The following RIPOR3 variants were observed in gnomAD, a reference collection of about 807,000 sequenced individuals.
RIPOR3 encodes family with sequence similarity 65 member C.
In RIPOR3, 95 loss-of-function variants were observed where a neutral mutation model predicts 114.3. The observed-to-expected ratio is 0.83, with a 90% CI of 0.70 to 0.99. The LOEUF (loss-of-function observed/expected upper bound fraction) is 0.99, where lower values mean the gene tolerates loss of function less well. Among genes scored for constraint, RIPOR3 ranks in the 50% least tolerant of loss-of-function variants. The pLI is 0.00. For synonymous variants in RIPOR3, 575 were observed against 543.8 expected (o/e 1.06, Z -0.80); for missense variants, 1,252 against 1,266.9 (o/e 0.99, Z 0.18).
chr20:50,610,925 A>T lies in RIPOR3; in HGVS notation c.373-19T>A. 1 of 1,614,102 alleles carries T rather than the reference A, an allele frequency of 6.2e-7. No individual in the cohort carries two copies. Among genetic ancestry groups the T allele is most frequent in the South Asian group, 1.1e-5 (1 of 91,080 alleles). On this transcript the variant is annotated intron_variant, in intron 5 of 21. Transcript: ENST00000327979. ...GCGTTTGCTTCTCCCGGAAAAAGGG[A>T]AGATGTTTGCAAAGTTGCCTGGGCC...
intron 1 of RIPOR3, among the ~76,000 whole-genome samples, chr20:50,656,030 C>T (rs533307684): frequency 3.6e-4 from 54 of 150,894 alleles, no homozygotes; most frequent in Middle Eastern, 3.4e-3. Flanking sequence ...TTTTTTGAGA[C>T]GGAGTCTCAC....
At chr20:50,647,992 G>C (rs1164570377) in intron 1 of RIPOR3, among the ~76,000 whole-genome samples, 1 of 151,946 alleles carries the variant, frequency 6.6e-6, no homozygotes, top group Non-Finnish European at 1.5e-5. Context: ...ATCCAGGGTA[G>C]TGGCCAGGCG....
chr20:50,682,114 C>T (rs1237127145), intron 1 of RIPOR3, among the ~76,000 whole-genome samples: 1 of 152,096 alleles, frequency 6.6e-6, no homozygotes, highest in Non-Finnish European at 1.5e-5. Flanking sequence ...TGTATGTGTG[C>T]AATAGGACAG....
chr20:50,595,099 C>T, intron 16 of RIPOR3: 3 of 537,606 alleles, frequency 5.6e-6, no homozygotes, highest in Non-Finnish European at 1.0e-5. Flanking sequence ...CAGTGCCCTC[C>T]TCCTATGCAG....
intron 1 of RIPOR3, among the ~76,000 whole-genome samples, chr20:50,660,749 CTTTTTTTTT>C (rs58201824): frequency 1.2e-5 from 1 of 83,280 alleles, no homozygotes; most frequent in African/African-American, 4.3e-5. Context: ...TGGGATTTAC[CTTTTTTTTT>C]TTTTTTTTTT....
intron 1 of RIPOR3, among the ~76,000 whole-genome samples, chr20:50,657,790 G>A (rs1410444078): frequency 8.1e-6 from 1 of 124,044 alleles, no homozygotes; most frequent in Non-Finnish European, 1.6e-5. Context: ...GGTCTTGCCT[G>A]TTGCCCAGGC....
chr20:50,685,572 C>T (rs1179180029), intron 1 of RIPOR3, among the ~76,000 whole-genome samples: 1 of 151,240 alleles, frequency 6.6e-6, no homozygotes, highest in Non-Finnish European at 1.5e-5. Flanking sequence ...ACCTGTAATC[C>T]CAGCATTTTG....
At chr20:50,621,368 C>A (rs1005152266) in intron 2 of RIPOR3, among the ~76,000 whole-genome samples, 12 of 151,758 alleles carry the variant, frequency 7.9e-5, no homozygotes, top group African/African-American at 2.9e-4. Flanking sequence ...TGGGGCACCT[C>A]CCCAGCTCTG....
In RIPOR3 at chr20:50,659,647, C is replaced by CAAAA. The variant is rs558386174; in HGVS notation, c.4-28795_4-28792dup. Reference sequence around the variant, plus strand: ...AGGTGACAAGAGCGAAACTCCGTCTCAAAAAAAAAAAAAAAAAAAAATTCT... The same window carrying CAAAA: ...AGGTGACAAGAGCGAAACTCCGTCTCAAAAAAAAAAAAAAAAAAAAAAAAATTCT... On this transcript the variant is annotated intron_variant, in intron 1 of 21. Transcript: ENST00000327979. Among the ~76,000 whole-genome samples, 35 of 78,138 alleles carry CAAAA rather than the reference C, an allele frequency of 4.5e-4. 1 individual carries two copies. Among genetic ancestry groups the CAAAA allele is most frequent in the African/African-American group, 1.4e-3 (31 of 22,350 alleles). The allele number at this position is 78,138 out of a possible 152,430, so 51.3% of individuals were successfully genotyped here.
At chr20:50,641,753 C>T (rs2085205114) in intron 1 of RIPOR3, among the ~76,000 whole-genome samples, 1 of 152,248 alleles carries the variant, frequency 6.6e-6, no homozygotes, top group African/African-American at 2.4e-5. Context: ...ACCACTGAAA[C>T]TGAGGGTTTT....
At chr20:50,591,101 G>A (rs1408251024) in intron 19 of RIPOR3, among the ~76,000 whole-genome samples, 2 of 152,090 alleles carry the variant, frequency 1.3e-5, no homozygotes, top group Non-Finnish European at 2.9e-5. Flanking sequence ...TTAATTGCAA[G>A]CAGAGAAAGA....
intron 1 of RIPOR3, among the ~76,000 whole-genome samples, chr20:50,653,713 C>T (rs2085703542): frequency 6.6e-6 from 1 of 151,998 alleles, no homozygotes; most frequent in Non-Finnish European, 1.5e-5. Flanking sequence ...ACCTCAGCCT[C>T]CCAAGTAGGT....
intron 1 of RIPOR3, among the ~76,000 whole-genome samples, chr20:50,657,836 C>T (rs2123440567): frequency 6.6e-6 from 1 of 151,182 alleles, no homozygotes; most frequent in East Asian, 1.9e-4. Flanking sequence ...TCACTACAGC[C>T]TTGAACTCCT....
At chr20:50,594,036 C>G (rs535978009) in intron 17 of RIPOR3, among the ~76,000 whole-genome samples, 1 of 151,850 alleles carries the variant, frequency 6.6e-6, no homozygotes, top group Non-Finnish European at 1.5e-5. Flanking sequence ...TTTGGGAGGC[C>G]GAGGCGGGCG....
chr20:50,594,447 G>A (rs1322200285), intron 17 of RIPOR3, 106 bp downstream of exon 17: 6 of 1,317,032 alleles, frequency 4.6e-6, no homozygotes, highest in Non-Finnish European at 6.3e-6. Context: ...AAGACACAGA[G>A]GTGAAGACAG....
At chr20:50,654,107 G>GT (rs2085719264) in intron 1 of RIPOR3, 2 of 152,040 alleles carry the variant, frequency 1.3e-5, no homozygotes, top group Non-Finnish European at 2.9e-5. Context: ...CTTGTCTGGT[G>GT]TTTGTCACCC....
rs1037702729 is a variant in RIPOR3, at chr20:50,609,086, C to A, written c.641-131G>T. The A allele has an allele frequency of 4.8e-5, 66 of 1,366,706 alleles. 1 individual carries two copies. The highest frequency in any genetic ancestry group is 5.9e-5 in the Non-Finnish European group (58 of 990,514). 84.7% of individuals were successfully genotyped at this position (1,366,706 alleles called of 1,614,324 possible). A position where few individuals can be genotyped will look rare whatever the true frequency, so the allele number is the denominator to read the frequency against. ...GGGGTGAGGATGGGGGGGAGGTACACCATCATGATGGAAAATGGACAGAGG... is the reference window on the plus strand; with the variant it reads ...GGGGTGAGGATGGGGGGGAGGTACAACATCATGATGGAAAATGGACAGAGG... On this transcript the variant is annotated intron_variant, in intron 8 of 21. Coordinates refer to ENST00000327979, the MANE Select transcript of RIPOR3 (RefSeq NM_001290268.2).
chr20:50,689,520 G>A (rs375588628), intron 1 of RIPOR3, among the ~76,000 whole-genome samples: 3 of 152,190 alleles, frequency 2.0e-5, no homozygotes, highest in African/African-American at 7.2e-5. Flanking sequence ...ACTCTCAGAC[G>A]CTTAAGTTCT....
At chr20:50,630,653 G>A in intron 2 of RIPOR3, 85 bp downstream of exon 2, 2 of 1,186,512 alleles carry the variant, frequency 1.7e-6, no homozygotes, top group Non-Finnish European at 1.2e-6. Flanking sequence ...GTCTCTGGCA[G>A]CAGGAGGAGG....
Sources: allele counts gnomAD v4.1 joint callset (sites outside exome capture counted in the v4.1 genomes callset), GRCh38; gene constraint gnomAD v4.1.1; transcripts MANE v1.5; gene names NCBI Gene and HGNC (gene_info 2026-07-23, HGNC 2026-07-21).